METTL15: variants seen among roughly 807,000 people sequenced by gnomAD.
METTL15 encodes methyltransferase 15, mitochondrial 12S rRNA N4-cytidine.
In METTL15, 34 loss-of-function variants were observed where a neutral mutation model predicts 38.3. The observed-to-expected ratio is 0.89, with a 90% CI of 0.68 to 1.18. The LOEUF (loss-of-function observed/expected upper bound fraction) is 1.18. METTL15 is among the 50% of genes most tolerant of loss of function. The pLI is 0.00. For missense variants in METTL15, 438 were observed against 498.4 expected (o/e 0.88, Z 1.15); for synonymous variants, 162 against 170.9 (o/e 0.95, Z 0.41).
chr11:28,443,219 T>C (rs149609578), intron 6 of METTL15, among the ~76,000 whole-genome samples: 6 of 151,946 alleles, frequency 3.9e-5, no homozygotes, highest in Non-Finnish European at 8.8e-5. Context: ...CCTAGCAGCA[T>C]CTTTTGACAT....
chr11:28,319,248 G>A (rs1162301893), intron 6 of METTL15, among the ~76,000 whole-genome samples: 1 of 152,134 alleles, frequency 6.6e-6, no homozygotes, highest in African/African-American at 2.4e-5. Context: ...AATAGCAGAC[G>A]TGGAATTAGA....
chr11:28,284,226 G>A (rs575165678), intron 4 of METTL15, among the ~76,000 whole-genome samples: 2 of 152,052 alleles, frequency 1.3e-5, no homozygotes, highest in South Asian at 4.2e-4. Flanking sequence ...TTTCATACTT[G>A]TACATTATAA....
At chr11:28,381,780 A>G (rs1590353581) in intron 5 of METTL15, among the ~76,000 whole-genome samples, 1 of 152,150 alleles carries the variant, frequency 6.6e-6, no homozygotes. Flanking sequence ...GTTATCTTGG[A>G]AATCACTGAG....
At chr11:28,227,013 C>A (rs867352423) in intron 4 of METTL15, among the ~76,000 whole-genome samples, 1 of 151,722 alleles carries the variant, frequency 6.6e-6, no homozygotes, top group Non-Finnish European at 1.5e-5. Context: ...AAAAACATTA[C>A]GAAAATAGGA....
chr11:28,427,566 C>T (rs534592915), intron 6 of METTL15, among the ~76,000 whole-genome samples: 1 of 152,338 alleles, frequency 6.6e-6, no homozygotes, highest in South Asian at 2.1e-4. Flanking sequence ...TATCCATGAG[C>T]ATGGAATGTT....
At chr11:28,463,617 T>G (rs1459514515) in intron 6 of METTL15, among the ~76,000 whole-genome samples, 1 of 152,158 alleles carries the variant, frequency 6.6e-6, no homozygotes, top group Non-Finnish European at 1.5e-5. Context: ...GAAAACATTC[T>G]TATGCAGATA....
downstream of METTL15, among the ~76,000 whole-genome samples, chr11:28,530,764 T>G (rs1177238519): frequency 6.6e-6 from 1 of 152,042 alleles, no homozygotes; most frequent in East Asian, 1.9e-4. Context: ...TTTGTAATAA[T>G]GAAAGAAAAA....
At chr11:28,151,006 C>CAAAAA (rs34906623) in intron 3 of METTL15, among the ~76,000 whole-genome samples, 23 of 84,176 alleles carry the variant, frequency 2.7e-4, no homozygotes, top group Admixed American at 4.4e-4. Context: ...CAACAGTGAC[C>CAAAAA]AAAAAAAAAA....
chr11:28,244,079 T>A (rs1854414192), intron 4 of METTL15, among the ~76,000 whole-genome samples: 1 of 152,158 alleles, frequency 6.6e-6, no homozygotes, highest in Non-Finnish European at 1.5e-5. Context: ...TAATATTATT[T>A]GAAGATTTAT....
intron 4 of METTL15, among the ~76,000 whole-genome samples, chr11:28,281,800 A>C (rs1856065914): frequency 6.6e-6 from 1 of 152,120 alleles, no homozygotes; most frequent in African/African-American, 2.4e-5. Context: ...TTAACTCCTG[A>C]GATGAATATG....
At chr11:28,341,845 C>T (rs983682478) in intron 3 of METTL15, among the ~76,000 whole-genome samples, 33 of 152,222 alleles carry the variant, frequency 2.2e-4, no homozygotes, top group Admixed American at 2.1e-3. Context: ...TCTTCCATGT[C>T]ATTCCATGAC....
At chr11:28,166,707 T>C (rs1011724654) in intron 3 of METTL15, among the ~76,000 whole-genome samples, 8 of 152,144 alleles carry the variant, frequency 5.3e-5, no homozygotes, top group Non-Finnish European at 8.8e-5. Context: ...CTCAGCACTT[T>C]GGGAGGCCAA....
In METTL15 at chr11:28,350,441, T is replaced by C. The variant is rs775512146; in HGVS notation, c.*190-1649T>C. On this transcript the variant is annotated intron_variant and NMD_transcript_variant, in intron 3 of 7. Coordinates refer to the METTL15 transcript ENST00000532947. ...ATCTGGCATTAACAAAACAAAAAGG[T>C]CACCCATACTCTACAATTTAAGCAT... Among the ~76,000 whole-genome samples the C allele has an allele frequency of 3.3e-5, 5 of 152,268 alleles. No homozygotes were observed. In the South Asian group the frequency reaches 8.3e-4, roughly 25 times the overall value.
At chr11:28,181,607 A>G (rs756039474) in intron 3 of METTL15, among the ~76,000 whole-genome samples, 4 of 152,016 alleles carry the variant, frequency 2.6e-5, no homozygotes, top group Non-Finnish European at 5.9e-5. Flanking sequence ...TTAAGGCTGC[A>G]TAGTATTCCA....
intron 4 of METTL15, among the ~76,000 whole-genome samples, chr11:28,218,693 G>C (rs932901000): frequency 2.6e-5 from 4 of 152,028 alleles, no homozygotes; most frequent in African/African-American, 9.7e-5. Flanking sequence ...TTGGCTGTGG[G>C]GTTGTCATAA....
At chr11:28,126,319 A>G (rs1372412951) in intron 3 of METTL15, among the ~76,000 whole-genome samples, 1 of 151,862 alleles carries the variant, frequency 6.6e-6, no homozygotes, top group Non-Finnish European at 1.5e-5. Context: ...TATGCTGTAT[A>G]TACCATTCTC....
chr11:28,308,240 G>T (rs1196882057), intron 6 of METTL15, among the ~76,000 whole-genome samples: 3 of 151,962 alleles, frequency 2.0e-5, no homozygotes, highest in Non-Finnish European at 4.4e-5. Context: ...GATGTGCTTG[G>T]TTGTGACTTT....
chr11:28,143,805 G>A lies in METTL15; in HGVS notation c.270+30201G>A, dbSNP rs563259663. Reference sequence around the variant, plus strand: ...TGCCTTGAGAAAAGATATCTTGATCGTTGAGTAGTTCCATCATTTAATGAC... The same window carrying A: ...TGCCTTGAGAAAAGATATCTTGATCATTGAGTAGTTCCATCATTTAATGAC... On this transcript the variant is annotated intron_variant, in intron 3 of 6. Coordinates refer to ENST00000407364, the MANE Select transcript of METTL15 (RefSeq NM_001113528.2). Among the ~76,000 whole-genome samples, 5 of 152,280 alleles carry A rather than the reference G, an allele frequency of 3.3e-5. No individual in the cohort carries two copies. The South Asian group carries it at 8.3e-4, about 25-fold the overall frequency.
intron 3 of METTL15, among the ~76,000 whole-genome samples, chr11:28,195,333 C>T (rs1313128916): frequency 6.6e-6 from 1 of 152,092 alleles, no homozygotes; most frequent in Non-Finnish European, 1.5e-5. Flanking sequence ...TTTCCACCAG[C>T]AATGTATAAG....
Sources: allele counts gnomAD v4.1 joint callset (sites outside exome capture counted in the v4.1 genomes callset), GRCh38; gene constraint gnomAD v4.1.1; transcripts MANE v1.5; gene names NCBI Gene and HGNC (gene_info 2026-07-23, HGNC 2026-07-21).